Variants in L2HGDH observed in about 807,000 individuals in gnomAD.
L2HGDH encodes the protein L-2-hydroxyglutarate dehydrogenase.
Under a neutral mutation model 51.5 loss-of-function variants are expected in L2HGDH, and 34 were observed. The observed-to-expected ratio is 0.66, with a 90% CI of 0.50 to 0.88. L2HGDH has a LOEUF of 0.88. Among genes scored for constraint, L2HGDH ranks in the 40% least tolerant of loss-of-function variants. The pLI, the probability that L2HGDH is intolerant of heterozygous loss-of-function variation, is 0.00. For synonymous variants in L2HGDH, 198 were observed against 197.9 expected, an observed-to-expected ratio of 1.00 and a Z score of -0.01; for missense variants, 558 against 571.9, an observed-to-expected ratio of 0.98 and a Z score of 0.25.
chr14:50,279,296 G>C (rs915408076), intron 5 of L2HGDH, among the ~76,000 whole-genome samples: 2 of 151,908 alleles, frequency 1.3e-5, no homozygotes, highest in African/African-American at 2.4e-5. Context: ...CAAATAGAAG[G>C]CTCACAAATC....
At chr14:50,288,989 C>A (rs1408569088) in intron 4 of L2HGDH, among the ~76,000 whole-genome samples, 1 of 152,112 alleles carries the variant, frequency 6.6e-6, no homozygotes, top group African/African-American at 2.4e-5. Context: ...AGATAAGAAA[C>A]AGAAAGTGGG....
At chr14:50,300,114 A>C (rs1300557017) in intron 3 of L2HGDH, among the ~76,000 whole-genome samples, 1 of 152,166 alleles carries the variant, frequency 6.6e-6, no homozygotes. Flanking sequence ...AGGACACAAA[A>C]TTTCAGTTAA....
At chr14:50,286,153 G>GA (rs1180837682) in intron 4 of L2HGDH, among the ~76,000 whole-genome samples, 1 of 152,110 alleles carries the variant, frequency 6.6e-6, no homozygotes, top group African/African-American at 2.4e-5. Context: ...GCAGGACAGG[G>GA]AAAATTGAGA....
intron 9 of L2HGDH, among the ~76,000 whole-genome samples, chr14:50,256,518 CAA>C (rs753470144): frequency 1.1e-4 from 8 of 71,942 alleles, no homozygotes; most frequent in African/African-American, 1.0e-4. Context: ...GCCTGTCTTA[CAA>C]AAAAAAAAAA....
chr14:50,280,958 G>C (rs1359879687), intron 5 of L2HGDH, among the ~76,000 whole-genome samples: 2 of 150,418 alleles, frequency 1.3e-5, no homozygotes, highest in Non-Finnish European at 3.0e-5. Context: ...GGAAGTACAG[G>C]TGTGTGCTAC....
At chr14:50,247,682 T>C (rs553735282) in intron 9 of L2HGDH, among the ~76,000 whole-genome samples, 2 of 152,370 alleles carry the variant, frequency 1.3e-5, no homozygotes, top group East Asian at 3.9e-4. Flanking sequence ...ATGTGTCAGT[T>C]GCATTCCTGT....
chr14:50,280,579 T>C (rs1018896671), intron 5 of L2HGDH, among the ~76,000 whole-genome samples: 12 of 152,202 alleles, frequency 7.9e-5, no homozygotes, highest in Non-Finnish European at 1.5e-5. Flanking sequence ...ACGTTTGCCA[T>C]TTAGAGATAC....
Position 50,245,170 on chromosome 14 carries a change from C to A in L2HGDH, c.*1888G>T. ...TCAAAAATGGAAAAATATCCCTATA[C>A]AAGTTTATAGGAGCCCTGAAAAATC... On this transcript the variant is annotated 3_prime_UTR_variant, in exon 10 of 10. Coordinates refer to ENST00000267436, the MANE Select transcript of L2HGDH (RefSeq NM_024884.3). 1 of 985,390 alleles carries A rather than the reference C, an allele frequency of 1.0e-6. No individual in the cohort carries two copies. Among genetic ancestry groups the A allele is most frequent in the Non-Finnish European group, 1.2e-6 (1 of 829,822 alleles). 61.0% of individuals were successfully genotyped at this position (985,390 alleles called of 1,614,324 possible).
At chr14:50,300,610 C>T (rs1386852298) in intron 3 of L2HGDH, among the ~76,000 whole-genome samples, 3 of 151,988 alleles carry the variant, frequency 2.0e-5, no homozygotes, top group Non-Finnish European at 4.4e-5. Context: ...ATAACGTATA[C>T]ATACTTCAAA....
rs749654418 is a variant in L2HGDH at position 50,294,110 on chromosome 14, C to T, written c.540+5G>A. 1.2e-6 allele frequency: 2 copies of T among 1,613,824 alleles called. No individual in the cohort carries two copies. Among genetic ancestry groups the T allele is most frequent in the Non-Finnish European group, 1.7e-6 (2 of 1,179,774 alleles). The stretch of plus-strand genomic sequence containing the variant: ...AATAAAAACATCCCTTTGTTAATCA[C>T]TTACCCTACAATATGGCTCCTTCTT... On this transcript the variant is annotated splice_donor_5th_base_variant and intron_variant, in intron 4 of 9. Transcript: ENST00000267436.
At chr14:50,305,482 G>T (rs1312562368) in intron 1 of L2HGDH, among the ~76,000 whole-genome samples, 12 of 152,110 alleles carry the variant, frequency 7.9e-5, no homozygotes, top group Admixed American at 7.9e-4. Context: ...AAGTTCAGTG[G>T]ATAAAAGGTA....
intron 6 of L2HGDH, among the ~76,000 whole-genome samples, chr14:50,272,819 C>A (rs1889772588): frequency 6.6e-6 from 1 of 152,158 alleles, no homozygotes; most frequent in African/African-American, 2.4e-5. Flanking sequence ...AAATTGCCTC[C>A]TTCCTATCAA....
intron 9 of L2HGDH, among the ~76,000 whole-genome samples, chr14:50,255,142 C>A (rs1311866832): frequency 6.6e-6 from 1 of 152,048 alleles, no homozygotes; most frequent in Non-Finnish European, 1.5e-5. Context: ...CCAAATTTTT[C>A]ATTCCCTTTT....
At chr14:50,293,300 T>C (rs1299757140) in intron 4 of L2HGDH, 1 of 702,094 alleles carries the variant, frequency 1.4e-6, no homozygotes, top group Admixed American at 2.0e-5. Flanking sequence ...GGGGAAAAAA[T>C]ACACCTTGAC....
At chr14:50,311,702 G>A (rs2031203089) in intron 1 of L2HGDH, among the ~76,000 whole-genome samples, 1 of 152,150 alleles carries the variant, frequency 6.6e-6, no homozygotes, top group African/African-American at 2.4e-5. Flanking sequence ...AGAGACTAAG[G>A]TCCAATTCAC....
intron 6 of L2HGDH, among the ~76,000 whole-genome samples, chr14:50,272,915 C>T (rs1889781623): frequency 6.6e-6 from 1 of 152,084 alleles, no homozygotes; most frequent in Non-Finnish European, 1.5e-5. Context: ...AATGGTTCTG[C>T]ACAATATTCT....
At chr14:50,302,280 C>G in intron 2 of L2HGDH, 112 bp from the exon 3 acceptor site, 1 of 1,174,498 alleles carries the variant, frequency 8.5e-7, no homozygotes. Flanking sequence ...ATGTAAAATT[C>G]TGCCTGAATT....
intron 6 of L2HGDH, among the ~76,000 whole-genome samples, chr14:50,270,761 C>T (rs1426721573): frequency 6.6e-6 from 1 of 152,112 alleles, no homozygotes; most frequent in Non-Finnish European, 1.5e-5. Context: ...CCGCCTCGGC[C>T]TCCCAAAGTG....
At position 50,243,010 on chromosome 14, in the gene L2HGDH, A is replaced by AC. The variant is rs911152820; in HGVS notation, c.*4047dup. On this transcript the variant is annotated 3_prime_UTR_variant, in exon 10 of 10. Coordinates refer to ENST00000267436, the MANE Select transcript of L2HGDH (RefSeq NM_024884.3). ...CCCGTAGGCCAGGGCCTGGCAGTAT[A>AC]CCCCATTCTCACCACCATCCTTTGA... 157 of 985,282 alleles carry AC rather than the reference A, an allele frequency of 1.6e-4. 1 individual carries two copies. The African/African-American group carries it at 1.9e-3, about 12-fold the overall frequency. 61.0% of individuals were successfully genotyped at this position (985,282 alleles called of 1,614,324 possible).
Sources: gnomAD v4.1 joint callset for allele counts (sites outside exome capture counted in the v4.1 genomes callset) on GRCh38, gnomAD v4.1.1 for gene constraint, MANE v1.5 for transcripts, NCBI Gene and HGNC (gene_info 2026-07-23, HGNC 2026-07-21) for gene names.